The following FSTL5 variants were observed in gnomAD, a reference collection of about 807,000 sequenced individuals.
FSTL5 encodes follistatin-related protein 5.
Under a neutral mutation model 89.1 loss-of-function variants are expected in FSTL5, and 62 were observed. That is an observed-to-expected ratio of 0.70 (90% CI 0.57 to 0.86). The LOEUF (loss-of-function observed/expected upper bound fraction) is 0.86. Among genes scored for constraint, FSTL5 ranks in the 40% least tolerant of loss-of-function variants. The pLI is 0.00. For synonymous variants in FSTL5, 383 were observed against 346.2 expected (o/e 1.11, Z -1.18); for missense variants, 1,057 against 1,001.6 (o/e 1.06, Z -0.75).
rs79950522 is a variant in FSTL5 at position 161,796,113 on chromosome 4, C to T, written c.410-20039G>A. On this transcript the variant is annotated intron_variant, in intron 4 of 15. Transcript: ENST00000306100. ...CCTTCTACCTTATTTTAACACCAAA[C>T]TCAACAATGTTTTGTTTAAAGTACC... Among the ~76,000 whole-genome samples the T allele has an allele frequency of 3.1e-3, 466 of 152,018 alleles. 2 individuals are homozygous for T. The highest frequency in any genetic ancestry group is 4.1e-3 in the Non-Finnish European group (275 of 67,818).
At chr4:161,894,151 A>C (rs1733079237) in intron 4 of FSTL5, among the ~76,000 whole-genome samples, 1 of 152,306 alleles carries the variant, frequency 6.6e-6, no homozygotes, top group East Asian at 1.9e-4. Flanking sequence ...ATGAGGAAAT[A>C]TAAGTCTTAG....
At chr4:161,582,813 G>GAAAT (rs1279509768) in intron 8 of FSTL5, among the ~76,000 whole-genome samples, 5 of 152,120 alleles carry the variant, frequency 3.3e-5, no homozygotes, top group Admixed American at 3.3e-4. Context: ...CACAGTCAGA[G>GAAAT]AAATATATTG....
intron 7 of FSTL5, among the ~76,000 whole-genome samples, chr4:161,633,291 T>TTTTTA (rs70937669): frequency 1.4e-5 from 2 of 140,726 alleles, no homozygotes; most frequent in African/African-American, 5.2e-5. Context: ...ACTAATTCTT[T>TTTTTA]TTATTATTAT....
chr4:161,476,614 C>G lies in FSTL5; in HGVS notation c.1608+4406G>C, dbSNP rs186656972. 1.3e-3 allele frequency among the ~76,000 whole-genome samples: 200 copies of G among 152,276 alleles called. 1 individual carries two copies. Among genetic ancestry groups the G allele is most frequent in the Admixed American group, 0.012 (185 of 15,292 alleles). The stretch of plus-strand genomic sequence containing the variant: ...GTATTTTTCTGAGCCTTTCTCTGGG[C>G]ACCAACTGGTCACTTTCTAATTTTT... On this transcript the variant is annotated intron_variant, in intron 13 of 15. Coordinates refer to ENST00000306100, the MANE Select transcript of FSTL5 (RefSeq NM_020116.5).
At chr4:162,077,484 T>C (rs1184754856) in intron 2 of FSTL5, among the ~76,000 whole-genome samples, 1 of 151,892 alleles carries the variant, frequency 6.6e-6, no homozygotes, top group Non-Finnish European at 1.5e-5. Context: ...TACAATCATA[T>C]GCTGATATTT....
Position 161,638,999 on chromosome 4 carries a change from C to T in FSTL5, c.894+17329G>A, listed in dbSNP as rs1013838683. ...AATTAGGTATTGATGGGACGTACTT[C>T]AAAATAATAAGAGCTATCTATGACA... On this transcript the variant is annotated intron_variant, in intron 7 of 15. Transcript: ENST00000306100. Among the ~76,000 whole-genome samples, 70 of 150,084 alleles carry T rather than the reference C, an allele frequency of 4.7e-4. 1 individual carries two copies. Among genetic ancestry groups the T allele is most frequent in the African/African-American group, 1.5e-3 (60 of 40,612 alleles).
chr4:161,615,019 G>C (rs1024023822), intron 7 of FSTL5, among the ~76,000 whole-genome samples: 1 of 152,150 alleles, frequency 6.6e-6, no homozygotes, highest in Admixed American at 6.5e-5. Flanking sequence ...CTTTGGCTGG[G>C]CGCGGTGGCT....
intron 4 of FSTL5, among the ~76,000 whole-genome samples, chr4:161,843,013 C>T (rs1731259319): frequency 6.6e-6 from 1 of 152,114 alleles, no homozygotes; most frequent in Non-Finnish European, 1.5e-5. Context: ...GTATTTCTTT[C>T]TAAAATTGTT....
chr4:161,402,716 C>T (rs922572145), intron 15 of FSTL5, among the ~76,000 whole-genome samples: 6 of 152,070 alleles, frequency 3.9e-5, no homozygotes, highest in Non-Finnish European at 7.4e-5. Context: ...GATTAAAATC[C>T]CACCTATGCC....
At chr4:161,910,563 T>G (rs910570178) in intron 4 of FSTL5, among the ~76,000 whole-genome samples, 5 of 152,124 alleles carry the variant, frequency 3.3e-5, no homozygotes, top group African/African-American at 1.2e-4. Flanking sequence ...AGTCTTCTGT[T>G]TGCTTAGCTA....
At chr4:161,960,641 A>C (rs565880854) in intron 3 of FSTL5, among the ~76,000 whole-genome samples, 7 of 152,136 alleles carry the variant, frequency 4.6e-5, no homozygotes, top group African/African-American at 1.7e-4. Context: ...AATTTGATAT[A>C]TTTCATTATT....
intron 4 of FSTL5, among the ~76,000 whole-genome samples, chr4:161,803,594 C>G (rs572942950): frequency 6.6e-6 from 1 of 151,878 alleles, no homozygotes; most frequent in East Asian, 1.9e-4. Flanking sequence ...TCTAAGACAA[C>G]TCAACTGTAT....
chr4:161,860,272 A>C (rs1016428130), intron 4 of FSTL5, among the ~76,000 whole-genome samples: 2 of 147,614 alleles, frequency 1.4e-5, no homozygotes, highest in African/African-American at 5.0e-5. Context: ...TAGGCGACAG[A>C]GCGAGACTCC....
rs1383575479 is a variant in FSTL5 at position 161,547,483 on chromosome 4, A to G, written c.1016-4790T>C. 7.2e-5 allele frequency among the ~76,000 whole-genome samples: 11 copies of G among 151,976 alleles called. No individual in the cohort carries two copies. In the Admixed American group the frequency reaches 7.2e-4, roughly 10 times the overall value. ...AGCATAAACTTAATATCAAAATGTG[A>G]CAAGGCATTAGAAGAAAGAATAATT... On this transcript the variant is annotated intron_variant, in intron 8 of 15. Transcript: ENST00000306100.
In FSTL5 at chr4:161,908,871, G is replaced by A. The variant is rs986342805; in HGVS notation, c.409+11533C>T. Among the ~76,000 whole-genome samples the A allele has an allele frequency of 9.3e-4, 142 of 152,176 alleles. 1 individual carries two copies. The highest frequency in any genetic ancestry group is 3.3e-3 in the African/African-American group (136 of 41,540). ...GTATTAGATATGTTTCAAGGTAACT[G>A]TCCATCCATACCATGTTTTGAAGAG... On this transcript the variant is annotated intron_variant, in intron 4 of 15. Transcript: ENST00000306100.
chr4:161,777,630 T>C (rs1741460270), intron 4 of FSTL5, among the ~76,000 whole-genome samples: 1 of 152,168 alleles, frequency 6.6e-6, no homozygotes, highest in Admixed American at 6.5e-5. Flanking sequence ...TAATGTGATA[T>C]ATATTTGCAC....
At chr4:161,676,191 A>C (rs1388412278) in intron 6 of FSTL5, among the ~76,000 whole-genome samples, 1 of 152,142 alleles carries the variant, frequency 6.6e-6, no homozygotes, top group Non-Finnish European at 1.5e-5. Context: ...AAACTACCAA[A>C]CATTACCAAT....
chr4:161,391,328 T>C (rs1730815263), intron 15 of FSTL5, among the ~76,000 whole-genome samples: 1 of 152,174 alleles, frequency 6.6e-6, no homozygotes. Flanking sequence ...ATATCTAGCT[T>C]TTCTAATTGG....
At chr4:161,805,799 G>A (rs1414331987) in intron 4 of FSTL5, among the ~76,000 whole-genome samples, 1 of 152,060 alleles carries the variant, frequency 6.6e-6, no homozygotes, top group African/African-American at 2.4e-5. Context: ...ACCATTTACA[G>A]TATACAATTA....
Sources: allele counts gnomAD v4.1 joint callset (sites outside exome capture counted in the v4.1 genomes callset), GRCh38; gene constraint gnomAD v4.1.1; transcripts MANE v1.5; gene names NCBI Gene and HGNC (gene_info 2026-07-23, HGNC 2026-07-21).